Variants in VRK2 observed in about 807,000 individuals in gnomAD.
The protein encoded by VRK2 is VRK serine/threonine kinase 2.
In VRK2, 60 loss-of-function variants were observed where a neutral mutation model predicts 57.6. That is an observed-to-expected ratio of 1.04 (90% CI 0.85 to 1.29). The LOEUF (loss-of-function observed/expected upper bound fraction) is 1.29, where lower values mean the gene tolerates loss of function less well. Ranked by LOEUF, VRK2 falls within the 50% of genes most tolerant of loss-of-function variation. The pLI, the probability that VRK2 is intolerant of heterozygous loss-of-function variation, is 0.00. For missense variants in VRK2, 705 were observed against 588.1 expected (o/e 1.20, Z -2.06); for synonymous variants, 231 against 199.2 (o/e 1.16, Z -1.35).
upstream of VRK2, among the ~76,000 whole-genome samples, chr2:58,043,842 A>G (rs1674564634): frequency 6.6e-6 from 1 of 152,240 alleles, no homozygotes; most frequent in Non-Finnish European, 1.5e-5. Flanking sequence ...CAACAGCAAT[A>G]TAAGAGAGTT....
intron 7 of VRK2, among the ~76,000 whole-genome samples, chr2:58,118,233 A>G (rs1186707422): frequency 1.3e-5 from 2 of 152,240 alleles, no homozygotes; most frequent in Non-Finnish European, 2.9e-5. Context: ...TTCCCCAGAA[A>G]AGCGGGACTT....
chr2:57,940,167 C>A (rs1049275103), intron 1 of VRK2, among the ~76,000 whole-genome samples: 1 of 152,016 alleles, frequency 6.6e-6, no homozygotes, highest in Non-Finnish European at 1.5e-5. Flanking sequence ...ATTATGGAGG[C>A]TAAGTCCCAT....
chr2:58,010,905 T>C (rs1412231643), intron 1 of VRK2, among the ~76,000 whole-genome samples: 1 of 152,194 alleles, frequency 6.6e-6, no homozygotes, highest in Non-Finnish European at 1.5e-5. Flanking sequence ...GGCCTGGCCC[T>C]GTGTAAGATT....
chr2:58,056,563 G>A (rs577351010), intron 2 of VRK2, among the ~76,000 whole-genome samples: 2 of 152,164 alleles, frequency 1.3e-5, no homozygotes, highest in South Asian at 2.1e-4. Flanking sequence ...AATCCAACCT[G>A]TTCTGCTTAG....
intron 9 of VRK2, among the ~76,000 whole-genome samples, chr2:58,132,283 T>G (rs1317643991): frequency 1.3e-5 from 2 of 152,198 alleles, no homozygotes; most frequent in Admixed American, 6.5e-5. Flanking sequence ...GTACGATTGA[T>G]ATTAACTGTG....
chr2:57,934,326 G>A (rs1263338442), intron 1 of VRK2, among the ~76,000 whole-genome samples: 1 of 152,172 alleles, frequency 6.6e-6, no homozygotes, highest in Admixed American at 6.5e-5. Flanking sequence ...TAATGGTGAT[G>A]AACTCCCTCC....
At chr2:58,088,716 C>G (rs895601158) in intron 6 of VRK2, among the ~76,000 whole-genome samples, 1 of 152,188 alleles carries the variant, frequency 6.6e-6, no homozygotes, top group Non-Finnish European at 1.5e-5. Context: ...CATACCAGAA[C>G]AAGCTTTCAT....
intron 7 of VRK2, among the ~76,000 whole-genome samples, chr2:58,120,684 A>G (rs961632079): frequency 6.6e-6 from 1 of 152,120 alleles, no homozygotes; most frequent in African/African-American, 2.4e-5. Flanking sequence ...TTAACTTAAG[A>G]ATACTTGAAA....
At chr2:57,991,268 T>A (rs1374458568) in intron 1 of VRK2, among the ~76,000 whole-genome samples, 1 of 152,034 alleles carries the variant, frequency 6.6e-6, no homozygotes, top group African/African-American at 2.4e-5. Flanking sequence ...TATGATTTTA[T>A]ATCGTAATGT....
At chr2:58,010,958 G>T (rs1673400052) in intron 1 of VRK2, among the ~76,000 whole-genome samples, 2 of 152,028 alleles carry the variant, frequency 1.3e-5, no homozygotes, top group South Asian at 4.1e-4. Context: ...TTACTTTTTA[G>T]TACAACTGTG....
intron 1 of VRK2, among the ~76,000 whole-genome samples, chr2:57,951,237 G>A (rs1331912423): frequency 2.0e-5 from 3 of 152,094 alleles, no homozygotes; most frequent in Non-Finnish European, 4.4e-5. Context: ...AGGAAGTAAC[G>A]GCAGATGTGG....
At chr2:57,925,277 T>A (rs549003821) in intron 1 of VRK2, among the ~76,000 whole-genome samples, 1 of 152,198 alleles carries the variant, frequency 6.6e-6, no homozygotes, top group East Asian at 1.9e-4. Flanking sequence ...GTTTGAGTAA[T>A]ATTGATATTA....
chr2:57,992,152 G>A (rs562311604), intron 1 of VRK2, among the ~76,000 whole-genome samples: 2 of 152,140 alleles, frequency 1.3e-5, no homozygotes, highest in South Asian at 2.1e-4. Context: ...TCTAGTTTAG[G>A]GTGGCAATAA....
Position 58,159,449 on chromosome 2 carries a change from C to T in VRK2, c.1283C>T (p.Ser428Leu). Reference sequence around the variant, plus strand: ...ATCAGCTATACACAATTCCCAAACTCATTTTATGAGCCTCATCAAGATTTT... The same window carrying T: ...ATCAGCTATACACAATTCCCAAACTTATTTTATGAGCCTCATCAAGATTTT... ...QKISYTQFPN[S>L]FYEPHQDFTS... Residue 428 changes from serine (S) to leucine (L), a missense_variant, in exon 13 of 13, where the codon TCA becomes TTA. Coordinates refer to ENST00000340157, the MANE Select transcript of VRK2 (RefSeq NM_006296.7). 6.2e-7 allele frequency: 1 copy of T among 1,613,682 alleles called. No homozygotes were observed. Among genetic ancestry groups the T allele is most frequent in the Non-Finnish European group, 8.5e-7 (1 of 1,179,738 alleles).
chr2:58,113,067 T>TG (rs1279687520), intron 7 of VRK2, among the ~76,000 whole-genome samples: 4 of 152,076 alleles, frequency 2.6e-5, no homozygotes, highest in Non-Finnish European at 5.9e-5. Flanking sequence ...TCCCAGCACT[T>TG]TGGGAGGCCA....
chr2:58,051,802 T>A (rs1675788482), intron 2 of VRK2, among the ~76,000 whole-genome samples: 1 of 152,154 alleles, frequency 6.6e-6, no homozygotes, highest in Non-Finnish European at 1.5e-5. Flanking sequence ...TACTCTTGAC[T>A]TGGAGAAATA....
At chr2:58,069,632 T>G (rs1669111369) in intron 2 of VRK2, among the ~76,000 whole-genome samples, 1 of 152,134 alleles carries the variant, frequency 6.6e-6, no homozygotes, top group African/African-American at 2.4e-5. Flanking sequence ...GAAAGTTTCC[T>G]TCCTTGAGAG....
chr2:58,158,664 G>A (rs769327945), intron 12 of VRK2, among the ~76,000 whole-genome samples: 4 of 152,168 alleles, frequency 2.6e-5, no homozygotes, highest in Non-Finnish European at 5.9e-5. Context: ...CTTTCAGCCA[G>A]TTAAGTGGTG....
chr2:57,957,374 T>C (rs1043001311), intron 1 of VRK2, among the ~76,000 whole-genome samples: 11 of 152,024 alleles, frequency 7.2e-5, no homozygotes, highest in African/African-American at 2.4e-4. Flanking sequence ...TTTCCAGTGA[T>C]AGTGAAGGAT....
Sources: gnomAD v4.1 joint callset for allele counts (sites outside exome capture counted in the v4.1 genomes callset) on GRCh38, gnomAD v4.1.1 for gene constraint, MANE v1.5 for transcripts, NCBI Gene and HGNC (gene_info 2026-07-23, HGNC 2026-07-21) for gene names.